Variants in C8orf34 observed in about 807,000 individuals in gnomAD.
The protein encoded by C8orf34 is uncharacterized protein C8orf34.
Under a neutral mutation model 68.3 loss-of-function variants are expected in C8orf34, and 65 were observed. The ratio of observed to expected loss-of-function variants is 0.95; its 90% CI spans 0.78 to 1.17. The LOEUF (loss-of-function observed/expected upper bound fraction) is 1.17, where lower values mean the gene tolerates loss of function less well. Among genes scored for constraint, C8orf34 ranks in the 50% most tolerant of loss-of-function variants. The pLI, the probability that C8orf34 is intolerant of heterozygous loss-of-function variation, is 0.00. For synonymous variants in C8orf34, 244 were observed against 241.2 expected (o/e 1.01, Z -0.11); for missense variants, 664 against 655.4 (o/e 1.01, Z -0.14).
chr8:68,477,506 T>C (rs375532157), intron 4 of C8orf34, among the ~76,000 whole-genome samples: 20 of 152,152 alleles, frequency 1.3e-4, no homozygotes, highest in African/African-American at 4.6e-4. Flanking sequence ...CCTAGTGGCA[T>C]TATGAGAAGA....
At chr8:68,585,166 A>G (rs1249105009) in intron 7 of C8orf34, among the ~76,000 whole-genome samples, 2 of 152,186 alleles carry the variant, frequency 1.3e-5, no homozygotes, top group East Asian at 3.9e-4. Context: ...GGATGCTTAC[A>G]TTTCAATCCA....
intron 8 of C8orf34, among the ~76,000 whole-genome samples, chr8:68,666,927 T>A (rs73267804): frequency 1.2e-3 from 188 of 152,332 alleles, no homozygotes; most frequent in African/African-American, 4.3e-3. Context: ...AATGCATCTT[T>A]TTTATGAAAT....
At chr8:68,530,389 G>A (rs1296103014) in intron 6 of C8orf34, among the ~76,000 whole-genome samples, 2 of 152,016 alleles carry the variant, frequency 1.3e-5, no homozygotes, top group African/African-American at 4.8e-5. Context: ...AATCAAAAGC[G>A]AATGGGGCTA....
At chr8:68,430,102 G>T (rs1810391172) in intron 1 of C8orf34, among the ~76,000 whole-genome samples, 1 of 152,044 alleles carries the variant, frequency 6.6e-6, no homozygotes, top group African/African-American at 2.4e-5. Flanking sequence ...TGGGAGAGAG[G>T]CTGGAGATTG....
intron 10 of C8orf34, among the ~76,000 whole-genome samples, chr8:68,765,979 G>C (rs748222997): frequency 6.6e-6 from 1 of 151,880 alleles, no homozygotes; most frequent in Non-Finnish European, 1.5e-5. Context: ...TAATGCAAAG[G>C]TTTCTGAAAT....
intron 7 of C8orf34, among the ~76,000 whole-genome samples, chr8:68,622,786 G>C (rs1055766637): frequency 6.6e-6 from 1 of 152,166 alleles, no homozygotes; most frequent in African/African-American, 2.4e-5. Context: ...ATATGGAGTA[G>C]CCACAGGGAA....
At chr8:68,739,881 C>G (rs944050345) in intron 10 of C8orf34, among the ~76,000 whole-genome samples, 1 of 152,108 alleles carries the variant, frequency 6.6e-6, no homozygotes, top group Non-Finnish European at 1.5e-5. Flanking sequence ...GCTACAGTAA[C>G]CAAAACAGCA....
chr8:68,505,034 C>T (rs1421019743), intron 5 of C8orf34, among the ~76,000 whole-genome samples: 1 of 151,950 alleles, frequency 6.6e-6, no homozygotes, highest in African/African-American at 2.4e-5. Flanking sequence ...AGGCTAGTCT[C>T]GAACTCTTGA....
chr8:68,775,647 G>T (rs925934759), intron 10 of C8orf34, among the ~76,000 whole-genome samples: 1 of 152,172 alleles, frequency 6.6e-6, no homozygotes, highest in Non-Finnish European at 1.5e-5. Flanking sequence ...ATATTTTTAA[G>T]TCCATGTTTT....
chr8:68,784,975 G>A (rs568448282), intron 11 of C8orf34, among the ~76,000 whole-genome samples: 40 of 152,182 alleles, frequency 2.6e-4, no homozygotes, highest in Middle Eastern at 3.4e-3. Context: ...GATTGGGGTC[G>A]TAGGTGTGTT....
chr8:68,531,366 T>C (rs1341510628), intron 6 of C8orf34, among the ~76,000 whole-genome samples: 1 of 152,176 alleles, frequency 6.6e-6, no homozygotes, highest in Non-Finnish European at 1.5e-5. Context: ...TCTTCTATAA[T>C]CTACAACAGT....
chr8:68,334,474 A>G (rs1048066986), intron 1 of C8orf34, among the ~76,000 whole-genome samples: 1 of 151,674 alleles, frequency 6.6e-6, no homozygotes, highest in Non-Finnish European at 1.5e-5. Context: ...TATTCCATGT[A>G]TGTTTGTGTA....
At chr8:68,576,135 T>G (rs1816898644) in intron 7 of C8orf34, among the ~76,000 whole-genome samples, 1 of 149,954 alleles carries the variant, frequency 6.7e-6, no homozygotes, top group East Asian at 1.9e-4. Context: ...AATTAAATAT[T>G]CTTTTTACAC....
chr8:68,385,013 G>A (rs1808201078), intron 1 of C8orf34, among the ~76,000 whole-genome samples: 1 of 152,180 alleles, frequency 6.6e-6, no homozygotes, highest in Non-Finnish European at 1.5e-5. Context: ...TATGCAATAT[G>A]CTTTTAATGA....
chr8:68,370,237 A>G (rs1367645705), intron 1 of C8orf34, among the ~76,000 whole-genome samples: 1 of 152,146 alleles, frequency 6.6e-6, no homozygotes. Flanking sequence ...TTCCCCTTCT[A>G]CAGACACCCT....
rs1046108820 is a variant in C8orf34 at position 68,650,722 on chromosome 8, G to A, written c.1241+10211G>A. Among the ~76,000 whole-genome samples the A allele has an allele frequency of 5.9e-4, 89 of 151,900 alleles. 1 individual carries two copies. Among genetic ancestry groups the A allele is most frequent in the African/African-American group, 2.1e-3 (85 of 41,434 alleles). Reference sequence around the variant, plus strand: ...TCTCGATCTCCTGACCTCGTGATCCGCCCGCCTCGGCCTCCCAAAGTGCTG... The same window carrying A: ...TCTCGATCTCCTGACCTCGTGATCCACCCGCCTCGGCCTCCCAAAGTGCTG... On this transcript the variant is annotated intron_variant, in intron 8 of 13. Transcript: ENST00000518698.
intron 9 of C8orf34, among the ~76,000 whole-genome samples, chr8:68,714,292 G>A (rs145453862): frequency 6.6e-6 from 1 of 152,106 alleles, no homozygotes; most frequent in Non-Finnish European, 1.5e-5. Context: ...AGCCAGAGCA[G>A]TCTGACAAGA....
intron 9 of C8orf34, among the ~76,000 whole-genome samples, chr8:68,712,242 A>G (rs1372236278): frequency 1.3e-5 from 2 of 152,224 alleles, no homozygotes; most frequent in Non-Finnish European, 2.9e-5. Context: ...TCCTTAAAGC[A>G]TAAATCTCAC....
At chr8:68,644,598 G>A (rs545038452) in intron 8 of C8orf34, among the ~76,000 whole-genome samples, 2 of 152,322 alleles carry the variant, frequency 1.3e-5, no homozygotes, top group South Asian at 4.1e-4. Context: ...GCTAGAACAA[G>A]GATAAGCAAT....
Sources: gnomAD v4.1 joint callset for allele counts (sites outside exome capture counted in the v4.1 genomes callset) on GRCh38, gnomAD v4.1.1 for gene constraint, MANE v1.5 for transcripts, NCBI Gene and HGNC (gene_info 2026-07-23, HGNC 2026-07-21) for gene names.